The following NCALD variants were observed in gnomAD, a reference collection of about 807,000 sequenced individuals.
NCALD encodes neurocalcin delta, also known as neurocalcin-delta.
NCALD carries 10 observed loss-of-function variants against 18.6 expected under a neutral mutation model. That is an observed-to-expected ratio of 0.54 (90% CI 0.33 to 0.91). The LOEUF (loss-of-function observed/expected upper bound fraction) is 0.91. Ranked by LOEUF, NCALD falls within the 40% of genes least tolerant of loss-of-function variation. The probability of loss-of-function intolerance (pLI) is 0.03; values close to 1 mark genes in which losing one functional copy is unlikely to be tolerated. For missense variants in NCALD, 184 were observed against 247.6 expected (o/e 0.74, Z 1.72); for synonymous variants, 88 against 87.4 (o/e 1.01, Z -0.04).
At chr8:102,040,590 C>G (rs1823018030) in intron 1 of NCALD, among the ~76,000 whole-genome samples, 1 of 152,138 alleles carries the variant, frequency 6.6e-6, no homozygotes, top group South Asian at 2.1e-4. Flanking sequence ...ACCCACTCAG[C>G]CTCTAGCTGT....
chr8:102,117,539 C>T (rs948769303), intron 1 of NCALD, among the ~76,000 whole-genome samples: 3 of 150,802 alleles, frequency 2.0e-5, no homozygotes, highest in Admixed American at 2.0e-4. Flanking sequence ...ACAGTATTCT[C>T]TTATTGCAGC....
At chr8:102,096,014 G>C (rs540613417) in intron 1 of NCALD, among the ~76,000 whole-genome samples, 2 of 152,152 alleles carry the variant, frequency 1.3e-5, no homozygotes, top group Non-Finnish European at 2.9e-5. Context: ...CCCAGGCCTG[G>C]GTAAACCTGA....
intron 1 of NCALD, among the ~76,000 whole-genome samples, chr8:101,720,351 A>C (rs1816293932): frequency 6.6e-6 from 1 of 152,218 alleles, no homozygotes. Flanking sequence ...GTTTCTCTTT[A>C]AAATACAAAT....
rs1586763120 is a variant in NCALD at position 101,925,036 on chromosome 8, T to G, written c.-156-9178A>C. ...CCTCATTTATATCTCAGAGTTGGTT[T>G]TAAATTCAGAAAGCATGTATGACAA... On this transcript the variant is annotated intron_variant, in intron 2 of 6. Coordinates refer to the NCALD transcript ENST00000311028. Among the ~76,000 whole-genome samples, 3 of 152,158 alleles carry G rather than the reference T, an allele frequency of 2.0e-5. No homozygotes were observed. The East Asian group carries it at 5.8e-4, about 29-fold the overall frequency.
intron 2 of NCALD, among the ~76,000 whole-genome samples, chr8:101,987,994 AAC>A (rs1820880066): frequency 6.6e-6 from 1 of 152,060 alleles, no homozygotes. Flanking sequence ...CTCTACTAAA[AAC>A]ACAAAAAAAT....
At chr8:101,807,996 T>G (rs1217362601) in intron 4 of NCALD, among the ~76,000 whole-genome samples, 1 of 152,020 alleles carries the variant, frequency 6.6e-6, no homozygotes, top group Non-Finnish European at 1.5e-5. Flanking sequence ...AAGATAGAAG[T>G]TGGTACTTTG....
intron 1 of NCALD, among the ~76,000 whole-genome samples, chr8:102,058,040 T>C (rs1403922192): frequency 6.6e-6 from 1 of 152,200 alleles, no homozygotes; most frequent in East Asian, 1.9e-4. Flanking sequence ...GGAAGATAAT[T>C]TTCCAGCTGA....
chr8:101,945,053 A>G (rs1819114234), intron 2 of NCALD, among the ~76,000 whole-genome samples: 1 of 152,212 alleles, frequency 6.6e-6, no homozygotes, highest in African/African-American at 2.4e-5. Context: ...TTCGTGTCCT[A>G]CGTGACATCT....
chr8:101,891,370 T>A (rs1001754147), intron 3 of NCALD, among the ~76,000 whole-genome samples: 5 of 152,248 alleles, frequency 3.3e-5, no homozygotes, highest in African/African-American at 1.2e-4. Context: ...TCATACAGTA[T>A]GTGACATTTG....
At chr8:102,077,962 A>T (rs1824401561) in intron 1 of NCALD, among the ~76,000 whole-genome samples, 1 of 151,882 alleles carries the variant, frequency 6.6e-6, no homozygotes, top group African/African-American at 2.4e-5. Context: ...TCCAGTCCTG[A>T]CCTCTCCCCT....
intron 4 of NCALD, among the ~76,000 whole-genome samples, chr8:101,828,290 C>T (rs1175288640): frequency 1.3e-5 from 2 of 152,176 alleles, no homozygotes; most frequent in South Asian, 2.1e-4. Context: ...CTTGCAAGAC[C>T]GAGGCTCTGC....
At chr8:102,005,063 C>T (rs1268714633) in intron 2 of NCALD, among the ~76,000 whole-genome samples, 1 of 152,104 alleles carries the variant, frequency 6.6e-6, no homozygotes, top group Admixed American at 6.5e-5. Flanking sequence ...TTCTGCACAG[C>T]CAAAGAAATT....
intron 1 of NCALD, among the ~76,000 whole-genome samples, chr8:102,107,041 T>A (rs1470286418): frequency 6.6e-6 from 1 of 151,662 alleles, no homozygotes; most frequent in East Asian, 1.9e-4. Context: ...TTTGTCCCTT[T>A]CCAAGTAAGT....
At chr8:101,920,277 A>G (rs1818116771) in intron 2 of NCALD, among the ~76,000 whole-genome samples, 1 of 152,182 alleles carries the variant, frequency 6.6e-6, no homozygotes, top group African/African-American at 2.4e-5. Context: ...AAAAGAAAAC[A>G]GTTTGGAGAT....
chr8:101,918,003 A>G (rs1818031139), intron 2 of NCALD, among the ~76,000 whole-genome samples: 1 of 152,136 alleles, frequency 6.6e-6, no homozygotes, highest in Non-Finnish European at 1.5e-5. Flanking sequence ...CTCTGATACC[A>G]AAACCTGGCA....
At chr8:102,114,081 G>A (rs529271307) in intron 1 of NCALD, among the ~76,000 whole-genome samples, 31 of 152,324 alleles carry the variant, frequency 2.0e-4, no homozygotes, top group African/African-American at 6.7e-4. Flanking sequence ...TGATGCCCAC[G>A]TGATCTCGCT....
intron 4 of NCALD, among the ~76,000 whole-genome samples, chr8:101,825,428 T>A (rs1270272573): frequency 1.3e-5 from 2 of 152,246 alleles, no homozygotes; most frequent in African/African-American, 2.4e-5. Context: ...AACGGAAGCA[T>A]CCTTGAACAA....
At chr8:101,943,934 G>A (rs1424996667) in intron 2 of NCALD, among the ~76,000 whole-genome samples, 1 of 151,136 alleles carries the variant, frequency 6.6e-6, no homozygotes, top group Middle Eastern at 3.2e-3. Flanking sequence ...GAGGGAGTCT[G>A]TGTCTCAAAA....
intron 3 of NCALD, among the ~76,000 whole-genome samples, chr8:101,901,308 A>T (rs951438405): frequency 4.0e-5 from 6 of 151,634 alleles, no homozygotes; most frequent in Non-Finnish European, 7.4e-5. Flanking sequence ...CAAAAAAAAA[A>T]TCCATTATGT....
Sources: gnomAD v4.1 joint callset for allele counts (sites outside exome capture counted in the v4.1 genomes callset) on GRCh38, gnomAD v4.1.1 for gene constraint, MANE v1.5 for transcripts, NCBI Gene and HGNC (gene_info 2026-07-23, HGNC 2026-07-21) for gene names.